Variants in F9 observed in about 807,000 individuals in gnomAD.
F9 encodes the protein coagulation factor IX.
Under a neutral mutation model 34.1 loss-of-function variants are expected in F9, and 2 were observed. That is an observed-to-expected ratio of 0.06 (90% CI 0.02 to 0.18). The LOEUF is 0.18. Among genes scored for constraint, F9 ranks in the 10% least tolerant of loss-of-function variants. F9 has a pLI of 1.00. For missense variants in F9, 216 were observed against 345.1 expected, an observed-to-expected ratio of 0.63 and a Z score of 2.96; for synonymous variants, 137 against 118.8, an observed-to-expected ratio of 1.15 and a Z score of -1.00.
intron 1 of F9, among the ~76,000 whole-genome samples, chrX:139,536,755 A>G (rs1927484787): frequency 8.9e-6 from 1 of 112,242 alleles, no homozygotes; most frequent in South Asian, 3.7e-4. Context: ...CATCCAAAGT[A>G]AATTCAAATA....
chrX:139,553,214 T>A (rs1346534665), intron 6 of F9, among the ~76,000 whole-genome samples: 1 of 111,859 alleles, frequency 8.9e-6, no homozygotes, highest in Non-Finnish European at 1.9e-5. Flanking sequence ...TTGCACCCTA[T>A]GAGGACTGCT....
chrX:139,537,282 TA>T, intron 2 of F9, 79 bp from the exon 3 acceptor site: 9 of 1,094,476 alleles, frequency 8.2e-6, no homozygotes, highest in Non-Finnish European at 1.1e-5. Flanking sequence ...TTATGTATGT[TA>T]AATGTTATAA....
intron 4 of F9, among the ~76,000 whole-genome samples, chrX:139,542,992 C>T (rs757129014): frequency 3.6e-5 from 4 of 110,841 alleles, no homozygotes; most frequent in Non-Finnish European, 5.7e-5. Context: ...CCACAAATTG[C>T]TCTTTATCTC....
chrX:139,535,850 T>G (rs754844983), intron 1 of F9, among the ~76,000 whole-genome samples: 1 of 111,042 alleles, frequency 9.0e-6, no homozygotes, highest in Admixed American at 9.6e-5. Context: ...GCGAACATAA[T>G]AGAGTGTACT....
intron 6 of F9, among the ~76,000 whole-genome samples, chrX:139,552,108 C>T (rs1927860107): frequency 9.0e-6 from 1 of 111,466 alleles, no homozygotes; most frequent in Non-Finnish European, 1.9e-5. Context: ...GTGGGAGAAT[C>T]ACCTGAGCCT....
intron 7 of F9, 107 bp downstream of exon 7, chrX:139,560,962 G>A (rs906349381): frequency 7.6e-6 from 5 of 659,330 alleles, no homozygotes; most frequent in Non-Finnish European, 1.2e-5. Flanking sequence ...AATAAATTGG[G>A]CTAAAGGCAG....
At chrX:139,534,040 T>C (rs2148354292) in intron 1 of F9, among the ~76,000 whole-genome samples, 1 of 112,149 alleles carries the variant, frequency 8.9e-6, no homozygotes, top group East Asian at 2.8e-4. Flanking sequence ...AGAAATTATT[T>C]AGAGCAGCCA....
chrX:139,559,561 G>A (rs1215693568), intron 6 of F9, among the ~76,000 whole-genome samples: 1 of 111,351 alleles, frequency 9.0e-6, no homozygotes, highest in East Asian at 2.8e-4. Context: ...GCCAGAGTAT[G>A]AAAAAGGAAG....
chrX:139,560,720 G>A, intron 6 of F9, 21 bp from the exon 7 acceptor site: 2 of 1,060,142 alleles, frequency 1.9e-6, no homozygotes, highest in East Asian at 6.0e-5. Flanking sequence ...TGCAGTAAGA[G>A]TCTTAATTTT....
intron 4 of F9, among the ~76,000 whole-genome samples, chrX:139,546,921 CT>C (rs1193415338): frequency 1.8e-5 from 2 of 111,593 alleles, no homozygotes; most frequent in East Asian, 2.8e-4. Context: ...GCCCAGCAGG[CT>C]TTTTTTGGTG....
intron 6 of F9, among the ~76,000 whole-genome samples, chrX:139,551,608 G>A (rs183910815): frequency 1.5e-3 from 169 of 111,309 alleles, no homozygotes; most frequent in Admixed American, 9.3e-3. Context: ...AAACTGGTGA[G>A]AGTTGGAAAG....
intron 4 of F9, chrX:139,544,984 T>C (rs1370036504): frequency 9.0e-6 from 1 of 111,562 alleles, no homozygotes; most frequent in African/African-American, 3.3e-5. Flanking sequence ...TGCCTCAGCA[T>C]GAACAGGGAA....
chrX:139,550,910 T>G, intron 5 of F9, 152 bp from the exon 6 acceptor site: 6 of 470,772 alleles, frequency 1.3e-5, no homozygotes, highest in East Asian at 3.7e-5. Context: ...CCTTTTAGCT[T>G]GAGACTCTAT....
chrX:139,550,981 C>A, intron 5 of F9, 81 bp from the exon 6 acceptor site: 1 of 867,888 alleles, frequency 1.2e-6, no homozygotes, highest in Non-Finnish European at 1.7e-6. Flanking sequence ...CAAGGATGGG[C>A]CTCAATCTCA....
rs745468265 is a variant in F9 at position 139,560,832 on chromosome X, G to A, written c.815G>A (p.Gly272Asp). ...ACTGCTGCCCACTGTGTTGAAACTG[G>A]TGTTAAAATTACAGTTGTCGCAGGT... ...IVTAAHCVET[G>D]VKITVVAGEH... Residue 272 changes from glycine to aspartate, a missense_variant, in exon 7 of 8, where the codon GGT (glycine) becomes GAT (aspartate). Gly to Asp is a moderately conservative substitution (Grantham distance 94). Coordinates refer to ENST00000218099, the MANE Select transcript of F9 (RefSeq NM_000133.4). 8 of 1,202,056 alleles carry A rather than the reference G, an allele frequency of 6.7e-6. No individual in the cohort carries two copies. The Admixed American group carries it at 1.5e-4, about 23-fold the overall frequency.
chrX:139,560,944 T>C (rs1468688321), intron 7 of F9, 89 bp downstream of exon 7: 1 of 758,844 alleles, frequency 1.3e-6, no homozygotes. Context: ...CTAATAAAAT[T>C]GTTGTTGAAT....
At chrX:139,545,363 A>G (rs1770287831) in intron 4 of F9, among the ~76,000 whole-genome samples, 1 of 111,896 alleles carries the variant, frequency 8.9e-6, no homozygotes, top group Non-Finnish European at 1.9e-5. Flanking sequence ...ACAAGTCCTG[A>G]AACATGGTAC....
At chrX:139,557,996 G>T (rs1330474680) in intron 6 of F9, among the ~76,000 whole-genome samples, 8 of 112,239 alleles carry the variant, frequency 7.1e-5, no homozygotes, top group African/African-American at 2.6e-4. Flanking sequence ...GCCAGCCCTG[G>T]CTCTCCCTCC....
At chrX:139,535,778 T>C (rs1231453687) in intron 1 of F9, among the ~76,000 whole-genome samples, 1 of 111,655 alleles carries the variant, frequency 9.0e-6, no homozygotes, top group African/African-American at 3.3e-5. Flanking sequence ...TATACAGCCA[T>C]GCATTCCTTA....
Sources: gnomAD v4.1 joint callset for allele counts (sites outside exome capture counted in the v4.1 genomes callset) on GRCh38, gnomAD v4.1.1 for gene constraint, MANE v1.5 for transcripts, NCBI Gene and HGNC (gene_info 2026-07-23, HGNC 2026-07-21) for gene names.